Variants in RGS20 observed in about 807,000 individuals in gnomAD.
The protein encoded by RGS20 is regulator of G protein signaling 20.
In RGS20, 30 loss-of-function variants were observed where a neutral mutation model predicts 33.6. The ratio of observed to expected loss-of-function variants is 0.89; its 90% CI spans 0.67 to 1.21. The LOEUF is 1.21. RGS20 is among the 50% of genes most tolerant of loss of function. RGS20 has a pLI of 0.00. For missense variants in RGS20, 472 were observed against 502.4 expected, an observed-to-expected ratio of 0.94 and a Z score of 0.58; for synonymous variants, 208 against 197.9, an observed-to-expected ratio of 1.05 and a Z score of -0.43.
chr8:53,910,846 G>T (rs1393044203), intron 2 of RGS20, among the ~76,000 whole-genome samples: 1 of 152,128 alleles, frequency 6.6e-6, no homozygotes, highest in East Asian at 1.9e-4. Context: ...CATACCATAT[G>T]ATTTAATTTG....
intron 1 of RGS20, among the ~76,000 whole-genome samples, chr8:53,852,411 T>A (rs1811587203): frequency 6.6e-6 from 1 of 152,250 alleles, no homozygotes; most frequent in South Asian, 2.1e-4. Flanking sequence ...AAATATTACA[T>A]CCCATATAAT....
chr8:53,928,158 A>G (rs1000360466), intron 2 of RGS20, among the ~76,000 whole-genome samples: 2 of 152,242 alleles, frequency 1.3e-5, no homozygotes, highest in African/African-American at 2.4e-5. Context: ...AGGATAGTAT[A>G]ACAAACCCTG....
At chr8:53,876,841 T>A (rs188237195) in intron 1 of RGS20, among the ~76,000 whole-genome samples, 145 of 152,304 alleles carry the variant, frequency 9.5e-4, no homozygotes, top group African/African-American at 3.4e-3. Context: ...AGTCTTGTTT[T>A]TCTTGGATCA....
chr8:53,930,604 G>GGCAC (rs1282656597), intron 2 of RGS20, among the ~76,000 whole-genome samples: 6 of 152,158 alleles, frequency 3.9e-5, no homozygotes, highest in African/African-American at 1.4e-4. Flanking sequence ...GGAGTGCAGT[G>GGCAC]GCACGATCTC....
chr8:53,880,182 C>T (rs1812320735), intron 2 of RGS20: 1 of 152,616 alleles, frequency 6.6e-6, no homozygotes, highest in Admixed American at 6.5e-5. Flanking sequence ...TGGGTTCCCC[C>T]TCCCGCTGCC....
chr8:53,928,660 C>G (rs1024466208), intron 2 of RGS20, among the ~76,000 whole-genome samples: 3 of 151,912 alleles, frequency 2.0e-5, no homozygotes, highest in Admixed American at 1.3e-4. Flanking sequence ...CCCATCTCTA[C>G]TGAAAATACA....
At chr8:53,856,157 C>T (rs1339035612) in intron 1 of RGS20, among the ~76,000 whole-genome samples, 1 of 152,110 alleles carries the variant, frequency 6.6e-6, no homozygotes, top group Non-Finnish European at 1.5e-5. Context: ...TACAAAATCC[C>T]ACGCACCTGC....
chr8:53,906,300 C>T (rs1585907832), intron 2 of RGS20, among the ~76,000 whole-genome samples: 2 of 150,686 alleles, frequency 1.3e-5, no homozygotes, highest in African/African-American at 4.9e-5. Context: ...CACTTGAACC[C>T]GGGAGGTGGA....
chr8:53,919,592 C>CTTTTTTTT (rs749181497), intron 2 of RGS20, among the ~76,000 whole-genome samples: 4 of 136,354 alleles, frequency 2.9e-5, no homozygotes, highest in Non-Finnish European at 3.2e-5. Flanking sequence ...AACATTTTTT[C>CTTTTTTTT]TTTTTTTTTT....
intron 2 of RGS20, among the ~76,000 whole-genome samples, chr8:53,891,766 AATGTAATAC>A (rs1186025076): frequency 2.0e-5 from 3 of 152,110 alleles, no homozygotes; most frequent in Non-Finnish European, 4.4e-5. Flanking sequence ...GTGAGTGTAA[AATGTAATAC>A]ATGTTTTGTC....
intron 2 of RGS20, among the ~76,000 whole-genome samples, chr8:53,884,765 T>C (rs1812491632): frequency 6.6e-6 from 1 of 152,230 alleles, no homozygotes; most frequent in African/African-American, 2.4e-5. Flanking sequence ...GAGCATGTGC[T>C]ATCTCTAGCA....
intron 2 of RGS20, among the ~76,000 whole-genome samples, chr8:53,884,191 C>CTTTTTTTTTTTTTTTTTTTTTTTTTT (rs4014055): frequency 9.7e-6 from 1 of 103,478 alleles, no homozygotes; most frequent in African/African-American, 4.5e-5. Context: ...GAAAAACAGT[C>CTTTTTTTTTTTTTTTTTTTTTTTTTT]TTTTTTTTTT....
chr8:53,939,447 A>G, intron 2 of RGS20, 129 bp from the exon 2 acceptor site: 1 of 987,872 alleles, frequency 1.0e-6, no homozygotes, highest in Non-Finnish European at 1.4e-6. Context: ...TTTTACGAGA[A>G]GTAGCAAAAA....
intron 5 of RGS20, among the ~76,000 whole-genome samples, 182 bp downstream of exon 4, chr8:53,954,492 C>T (rs1216251593): frequency 2.0e-5 from 3 of 151,396 alleles, no homozygotes; most frequent in Non-Finnish European, 2.9e-5. Flanking sequence ...GGTGAAACCC[C>T]GTCTCTACTA....
intron 2 of RGS20, among the ~76,000 whole-genome samples, chr8:53,908,156 G>A: frequency 6.6e-6 from 1 of 152,068 alleles, no homozygotes; most frequent in East Asian, 1.9e-4. Context: ...TTGGGAGATG[G>A]GATAATGGGT....
rs566628228 is a variant in RGS20 at position 53,879,410 on chromosome 8, C to A, written c.318C>A (p.Pro106=). The change falls in exon 2 of 6, where the codon CCC becomes CCA. Residue 106 remains proline, a synonymous_variant. Coordinates refer to ENST00000297313, the MANE Select transcript of RGS20 (RefSeq NM_170587.4). Reference sequence around the variant, plus strand: ...CCCGGAGGCGCCTGGACTTCTCCCCCCTGCTTCCCGCCCTGCCGGCCGCCC... The same window carrying A: ...CCCGGAGGCGCCTGGACTTCTCCCCACTGCTTCCCGCCCTGCCGGCCGCCC... 1.2e-6 allele frequency: 2 copies of A among 1,609,710 alleles called. No individual in the cohort carries two copies. The highest frequency in any genetic ancestry group is 1.3e-5 in the African/African-American group (1 of 74,634).
Position 53,939,648 on chromosome 8 carries a change from C to G in RGS20, c.583C>G (p.Pro195Ala), listed in dbSNP as rs1271117018. 1.5e-5 allele frequency: 24 copies of G among 1,596,096 alleles called. No individual in the cohort carries two copies. Among genetic ancestry groups the G allele is most frequent in the Non-Finnish European group, 2.0e-5 (24 of 1,172,402 alleles). Residue 195 changes from proline to alanine, a missense_variant, in exon 3 of 6, where the codon CCA becomes GCA. Physicochemically the swap from Pro to Ala is conservative, Grantham distance 27 (BLOSUM62 -1). Coordinates refer to ENST00000297313, the MANE Select transcript of RGS20 (RefSeq NM_170587.4). ...CGCCCAGGACACACCAGGCGCCGCC[C>G]CAGGCCAGCCCGGAGCGGGGAGTCG... is the stretch of plus-strand genomic sequence containing the variant.
At chr8:53,883,218 G>T (rs1335971000) in intron 2 of RGS20, among the ~76,000 whole-genome samples, 1 of 151,162 alleles carries the variant, frequency 6.6e-6, no homozygotes, top group Non-Finnish European at 1.5e-5. Flanking sequence ...GTGCAATGGC[G>T]CGATCTCGGC....
At chr8:53,916,427 A>AT (rs201864540) in intron 2 of RGS20, among the ~76,000 whole-genome samples, 6,387 of 152,018 alleles carry the variant, frequency 0.042, 171 homozygotes, top group Non-Finnish European at 0.064. Flanking sequence ...CTTGGGATCT[A>AT]TTTTTCTTGG....
Sources: gnomAD v4.1 joint callset for allele counts (sites outside exome capture counted in the v4.1 genomes callset) on GRCh38, gnomAD v4.1.1 for gene constraint, MANE v1.5 for transcripts, NCBI Gene and HGNC (gene_info 2026-07-23, HGNC 2026-07-21) for gene names.